Variants in PLEKHA6 observed in about 807,000 individuals in gnomAD.
The protein encoded by PLEKHA6 is pleckstrin homology domain containing A6.
PLEKHA6 carries 60 observed loss-of-function variants against 116.7 expected under a neutral mutation model. That is an observed-to-expected ratio of 0.51 (90% CI 0.42 to 0.64). The LOEUF (loss-of-function observed/expected upper bound fraction) is 0.64. Among genes scored for constraint, PLEKHA6 ranks in the 30% least tolerant of loss-of-function variants. The probability of loss-of-function intolerance (pLI) is 0.00; values close to 1 mark genes in which losing one functional copy is unlikely to be tolerated. For missense variants in PLEKHA6, 1,338 were observed against 1,422.7 expected (o/e 0.94, Z 0.96); for synonymous variants, 489 against 556.1 (o/e 0.88, Z 1.70).
intron 3 of PLEKHA6, among the ~76,000 whole-genome samples, chr1:204,270,283 A>G (rs1329823373): frequency 6.6e-6 from 1 of 151,572 alleles, no homozygotes; most frequent in Admixed American, 6.6e-5. Flanking sequence ...TTATTTTCTC[A>G]TTTTTACATC....
intron 1 of PLEKHA6, among the ~76,000 whole-genome samples, chr1:204,345,460 T>C (rs1673005984): frequency 6.6e-6 from 1 of 152,004 alleles, no homozygotes; most frequent in African/African-American, 2.4e-5. Flanking sequence ...TTCTTTCCAC[T>C]GAGAACCCTC....
chr1:204,236,401 C>T lies in PLEKHA6; in HGVS notation c.2409+4974G>A, dbSNP rs7531315. ...TTAGTCACTTTAGACCTACTCATTC[C>T]AGCTGGGAGGGTCCAGAAGATATAC... On this transcript the variant is annotated intron_variant, in intron 17 of 22. Coordinates refer to ENST00000272203, the MANE Select transcript of PLEKHA6 (RefSeq NM_014935.5). Among the ~76,000 whole-genome samples, 287 of 152,014 alleles carry T rather than the reference C, an allele frequency of 1.9e-3. 1 individual carries two copies. Among genetic ancestry groups the T allele is most frequent in the African/African-American group, 6.7e-3 (277 of 41,500 alleles).
intron 17 of PLEKHA6, among the ~76,000 whole-genome samples, chr1:204,236,851 A>G (rs1662127712): frequency 6.6e-6 from 1 of 152,188 alleles, no homozygotes. Flanking sequence ...CTCTCAGTCA[A>G]TTTCCATTCT....
intron 21 of PLEKHA6, among the ~76,000 whole-genome samples, chr1:204,227,391 C>G (rs1307671679): frequency 6.6e-6 from 1 of 152,224 alleles, no homozygotes; most frequent in Non-Finnish European, 1.5e-5. Context: ...CCCATTCATA[C>G]AGAATCTCTT....
At chr1:204,271,888 C>T (rs973247572) in intron 3 of PLEKHA6, among the ~76,000 whole-genome samples, 5 of 151,922 alleles carry the variant, frequency 3.3e-5, no homozygotes, top group African/African-American at 9.7e-5. Context: ...ACCTGTATCA[C>T]GTATTTTCTT....
intron 2 of PLEKHA6, among the ~76,000 whole-genome samples, chr1:204,369,966 T>A (rs1048943710): frequency 6.6e-6 from 1 of 152,196 alleles, no homozygotes; most frequent in African/African-American, 2.4e-5. Flanking sequence ...TCTGATGTAA[T>A]GCTACTACTT....
At chr1:204,338,577 A>C (rs1227331959) in intron 1 of PLEKHA6, among the ~76,000 whole-genome samples, 1 of 152,234 alleles carries the variant, frequency 6.6e-6, no homozygotes, top group African/African-American at 2.4e-5. Context: ...AGAACATGAC[A>C]GAGTCTTTGC....
intron 1 of PLEKHA6, chr1:204,359,466 T>C (rs1230510857): frequency 1.9e-5 from 5 of 259,518 alleles, no homozygotes; most frequent in African/African-American, 9.2e-5. Flanking sequence ...GCATCAGCCC[T>C]GACAGGGGAC....
At chr1:204,340,929 T>A (rs200452785) in intron 1 of PLEKHA6, among the ~76,000 whole-genome samples, 1 of 152,190 alleles carries the variant, frequency 6.6e-6, no homozygotes, top group African/African-American at 2.4e-5. Flanking sequence ...TCAGAGATGA[T>A]TCTTTTGTCC....
chr1:204,282,811 G>A, intron 1 of PLEKHA6: 1 of 985,256 alleles, frequency 1.0e-6, no homozygotes. Context: ...CCCTTCTAAA[G>A]AGAGGGGGAA....
chr1:204,259,230 C>A lies in PLEKHA6; in HGVS notation c.1007+28G>T. The A allele has an allele frequency of 6.2e-7, 1 of 1,605,988 alleles. No individual in the cohort carries two copies. On this transcript the variant is annotated intron_variant, in intron 8 of 22. Transcript: ENST00000272203. The surrounding 1 kb of genome is among the most constrained non-coding windows in gnomAD (Gnocchi z 4.6). ...CGCTCTAGCCATAATACCATATCAGCCCCACCCCAGCCGCCGGCATGCCTC... is the reference window on the plus strand; with the variant it reads ...CGCTCTAGCCATAATACCATATCAGACCCACCCCAGCCGCCGGCATGCCTC...
intron 1 of PLEKHA6, among the ~76,000 whole-genome samples, chr1:204,332,182 C>T (rs962077582): frequency 8.5e-5 from 13 of 152,164 alleles, no homozygotes; most frequent in Admixed American, 3.3e-4. Flanking sequence ...GAGGGTTAAC[C>T]CAGAATTCAG....
At chr1:204,299,310 G>A (rs1670588196) in intron 1 of PLEKHA6, among the ~76,000 whole-genome samples, 1 of 152,230 alleles carries the variant, frequency 6.6e-6, no homozygotes. Flanking sequence ...AGAAAAGGGT[G>A]CTGGGAGGCT....
intron 1 of PLEKHA6, chr1:204,313,427 TG>T: frequency 7.7e-6 from 2 of 260,840 alleles, no homozygotes; most frequent in Non-Finnish European, 1.2e-5. Context: ...TGCACATTCC[TG>T]GGCTCATCTG....
chr1:204,230,461 G>A lies in PLEKHA6; in HGVS notation c.2535C>T (p.Leu845=), dbSNP rs758261781. The change falls in exon 18 of 23, where the codon CTC becomes CTT. Residue 845 remains leucine, a synonymous_variant. Transcript: ENST00000272203. ...TGGGGTCGGGGGCCGGGCTGGCCGG[G>A]AGCTGCAGGCTCCTCCGCTTCTCCC... ...SMREKRRSLQ[L]PASPAPDPSP... The A allele has an allele frequency of 1.9e-6, 3 of 1,582,366 alleles. No homozygotes were observed. Among genetic ancestry groups the A allele is most frequent in the Admixed American group, 3.7e-5 (2 of 54,624 alleles).
At chr1:204,360,076 C>CCA (rs1673524836), upstream of PLEKHA6, among the ~76,000 whole-genome samples, 1 of 152,376 alleles carries the variant, frequency 6.6e-6, no homozygotes, top group Admixed American at 6.5e-5. Flanking sequence ...TGCTAACCAT[C>CCA]CACGCAGCCT....
At chr1:204,325,403 C>T (rs916869915) in intron 1 of PLEKHA6, among the ~76,000 whole-genome samples, 3 of 152,162 alleles carry the variant, frequency 2.0e-5, no homozygotes, top group East Asian at 1.9e-4. Context: ...GTGCTCAAAC[C>T]GGGACAGTCT....
rs114793222 is a variant in PLEKHA6 at position 204,345,438 on chromosome 1, T to A, written c.-95+14256A>T. ...TCTTTGCTCAGCCCCCTGGCCCCAC[T>A]CCCTTCGAGGTTTCTTTCCACTGAG... On this transcript the variant is annotated intron_variant, in intron 1 of 22. Transcript: ENST00000272203. Among the ~76,000 whole-genome samples the A allele has an allele frequency of 9.1e-3, 1,384 of 151,962 alleles. 26 individuals are homozygous for A. The highest frequency in any genetic ancestry group is 0.032 in the African/African-American group (1,306 of 41,446).
intron 1 of PLEKHA6, among the ~76,000 whole-genome samples, chr1:204,305,992 T>A (rs1221857741): frequency 6.6e-6 from 1 of 152,212 alleles, no homozygotes; most frequent in Non-Finnish European, 1.5e-5. Context: ...CTGGATTATA[T>A]CGACATTGAG....
Sources: gnomAD v4.1 joint callset for allele counts (sites outside exome capture counted in the v4.1 genomes callset) on GRCh38, gnomAD v4.1.1 for gene constraint, Gnocchi (gnomAD v3.1) non-coding constraint, MANE v1.5 for transcripts, NCBI Gene and HGNC (gene_info 2026-07-23, HGNC 2026-07-21) for gene names.